Variants in BABAM2 observed in about 807,000 individuals in gnomAD.
BABAM2 encodes the protein BRISC and BRCA1-A complex member 2.
A neutral mutation model predicts 54.7 loss-of-function variants in BABAM2; 31 were observed. The ratio of observed to expected loss-of-function variants is 0.57; its 90% CI spans 0.43 to 0.77. BABAM2 has a LOEUF of 0.77. Among genes scored for constraint, BABAM2 ranks in the 30% least tolerant of loss-of-function variants. The pLI is 0.00. For synonymous variants in BABAM2, 167 were observed against 162.9 expected (o/e 1.03, Z -0.19); for missense variants, 364 against 455.8 (o/e 0.80, Z 1.83).
intron 10 of BABAM2, among the ~76,000 whole-genome samples, chr2:28,296,934 CA>C (rs1188018453): frequency 2.0e-5 from 3 of 152,142 alleles, no homozygotes; most frequent in Non-Finnish European, 2.9e-5. Flanking sequence ...GTAATCCACC[CA>C]CCTCCGCCTC....
chr2:28,052,153 G>GT (rs1678043154), intron 6 of BABAM2, among the ~76,000 whole-genome samples: 1 of 152,094 alleles, frequency 6.6e-6, no homozygotes. Context: ...TACTCAGTGG[G>GT]TATCTGACAA....
intron 7 of BABAM2, among the ~76,000 whole-genome samples, chr2:28,221,247 T>C (rs776720560): frequency 6.6e-6 from 1 of 152,206 alleles, no homozygotes; most frequent in Non-Finnish European, 1.5e-5. Flanking sequence ...GCTCATCCGG[T>C]GCCACATCCT....
intron 7 of BABAM2, among the ~76,000 whole-genome samples, chr2:28,164,921 A>C (rs983107209): frequency 6.6e-6 from 1 of 152,176 alleles, no homozygotes; most frequent in Non-Finnish European, 1.5e-5. Flanking sequence ...TATTAAGTAC[A>C]TTCTTAAGTT....
intron 7 of BABAM2, among the ~76,000 whole-genome samples, chr2:28,168,238 C>T (rs1673924853): frequency 6.6e-6 from 1 of 152,204 alleles, no homozygotes; most frequent in Non-Finnish European, 1.5e-5. Context: ...CTGCCTGTGT[C>T]GAATGCATAA....
chr2:28,073,863 T>C (rs1664401353), intron 6 of BABAM2, among the ~76,000 whole-genome samples: 1 of 152,108 alleles, frequency 6.6e-6, no homozygotes, highest in South Asian at 2.1e-4. Flanking sequence ...AGTGCTACAG[T>C]GAATATCCAT....
At chr2:28,127,332 A>G (rs1393642286) in intron 6 of BABAM2, among the ~76,000 whole-genome samples, 1 of 152,222 alleles carries the variant, frequency 6.6e-6, no homozygotes, top group Non-Finnish European at 1.5e-5. Flanking sequence ...TTAGACATCA[A>G]GTAAGAAAAG....
intron 3 of BABAM2, among the ~76,000 whole-genome samples, chr2:27,967,422 G>T (rs1212567401): frequency 1.3e-5 from 2 of 152,138 alleles, no homozygotes; most frequent in Non-Finnish European, 2.9e-5. Context: ...ATTGTGTGAG[G>T]CTTCCCCAGC....
intron 6 of BABAM2, among the ~76,000 whole-genome samples, chr2:28,082,289 G>T (rs888995749): frequency 6.6e-6 from 1 of 152,202 alleles, no homozygotes; most frequent in Non-Finnish European, 1.5e-5. Flanking sequence ...TTGTGGTATT[G>T]GTTGTCTGAT....
chr2:28,131,041 C>T (rs1669992850), intron 7 of BABAM2, among the ~76,000 whole-genome samples: 1 of 146,734 alleles, frequency 6.8e-6, no homozygotes, highest in African/African-American at 2.5e-5. Flanking sequence ...GTGCCTGGCC[C>T]CAAAGAGTGT....
At chr2:28,011,935 A>G (rs1373367509) in intron 4 of BABAM2, among the ~76,000 whole-genome samples, 2 of 152,202 alleles carry the variant, frequency 1.3e-5, no homozygotes. Context: ...TTTCATTGTG[A>G]TTTAAATAAT....
chr2:28,142,416 C>T (rs1206321314), intron 7 of BABAM2, among the ~76,000 whole-genome samples: 2 of 152,248 alleles, frequency 1.3e-5, no homozygotes, highest in Non-Finnish European at 2.9e-5. Flanking sequence ...TGAAATCTAC[C>T]TTGGCAAATT....
In BABAM2 at chr2:28,338,773, A is replaced by T. The variant is rs1328484500; in HGVS notation, c.*260A>T. ...CTTAGTTGGAAGAAATAAACTCACA[A>T]ATTATGGTGCAGTAATTTTCCGGGG... On this transcript the variant is annotated 3_prime_UTR_variant, in exon 12 of 12. Coordinates refer to ENST00000379624, the MANE Select transcript of BABAM2 (RefSeq NM_199191.3). 2.4e-6 allele frequency: 1 copy of T among 417,844 alleles called. No individual in the cohort carries two copies. Among genetic ancestry groups the T allele is most frequent in the Non-Finnish European group, 4.4e-6 (1 of 229,672 alleles). The allele number at this position is 417,844 out of a possible 1,614,324, so 25.9% of individuals were successfully genotyped here.
intron 7 of BABAM2, among the ~76,000 whole-genome samples, chr2:28,178,942 A>G (rs1241383403): frequency 6.6e-6 from 1 of 152,164 alleles, no homozygotes; most frequent in Non-Finnish European, 1.5e-5. Context: ...TGAATCAGGA[A>G]AAAACAGAAA....
chr2:28,046,292 T>TA (rs1411308926), intron 6 of BABAM2, among the ~76,000 whole-genome samples: 1 of 151,614 alleles, frequency 6.6e-6, no homozygotes, highest in South Asian at 2.1e-4. Context: ...CTGTCTCTAC[T>TA]AAAAAAAATA....
intron 6 of BABAM2, among the ~76,000 whole-genome samples, chr2:28,122,550 A>G (rs1669169248): frequency 6.6e-6 from 1 of 152,202 alleles, no homozygotes; most frequent in Admixed American, 6.5e-5. Flanking sequence ...GAGAAATACA[A>G]TGGCTTTTTT....
Position 27,979,118 on chromosome 2 carries a change from C to G in BABAM2, c.206-8875C>G, listed in dbSNP as rs899760721. On this transcript the variant is annotated intron_variant, in intron 3 of 11. Coordinates refer to ENST00000379624, the MANE Select transcript of BABAM2 (RefSeq NM_199191.3). ...TCTCGGCTCACTGCAACCTCCACCCCCTGGATTCAAGCAATTCTCCTGCCT... is the reference window on the plus strand; with the variant it reads ...TCTCGGCTCACTGCAACCTCCACCCGCTGGATTCAAGCAATTCTCCTGCCT... Among the ~76,000 whole-genome samples, 7 of 151,914 alleles carry G rather than the reference C, an allele frequency of 4.6e-5. No homozygotes were observed. In the East Asian group the frequency reaches 5.8e-4, roughly 13 times the overall value.
intron 7 of BABAM2, among the ~76,000 whole-genome samples, chr2:28,197,506 T>A (rs1677732356): frequency 6.6e-6 from 1 of 152,186 alleles, no homozygotes; most frequent in Non-Finnish European, 1.5e-5. Flanking sequence ...TTAAAACATT[T>A]CCTCTTTACA....
At chr2:28,018,248 G>C (rs1056766110) in intron 4 of BABAM2, among the ~76,000 whole-genome samples, 8 of 152,160 alleles carry the variant, frequency 5.3e-5, no homozygotes. Flanking sequence ...GTGTGAGTGA[G>C]AACATACGAT....
rs772500805 is a variant in BABAM2, at chr2:28,045,812, G to A, written c.570+13G>A. 1 of 1,590,630 alleles carries A rather than the reference G, an allele frequency of 6.3e-7. No individual in the cohort carries two copies. Among genetic ancestry groups the A allele is most frequent in the South Asian group, 1.1e-5 (1 of 88,384 alleles). On this transcript the variant is annotated intron_variant, in intron 6 of 11. Coordinates refer to ENST00000379624, the MANE Select transcript of BABAM2 (RefSeq NM_199191.3). Reference sequence around the variant, plus strand: ...ATACCTTCTCAAGGTAAAAATATATGATTTTCAGTATGAGAATATAAGTGA... The same window carrying A: ...ATACCTTCTCAAGGTAAAAATATATAATTTTCAGTATGAGAATATAAGTGA...
Sources: allele counts gnomAD v4.1 joint callset (sites outside exome capture counted in the v4.1 genomes callset), GRCh38; gene constraint gnomAD v4.1.1; transcripts MANE v1.5; gene names NCBI Gene and HGNC (gene_info 2026-07-23, HGNC 2026-07-21).